Variants in C11orf52 observed in about 807,000 individuals in gnomAD.
C11orf52 encodes uncharacterized protein C11orf52.
Under a neutral mutation model 11.7 loss-of-function variants are expected in C11orf52, and 9 were observed. That is an observed-to-expected ratio of 0.77 (90% CI 0.46 to 1.34). The LOEUF (loss-of-function observed/expected upper bound fraction) is 1.34, where lower values mean the gene tolerates loss of function less well. Among genes scored for constraint, C11orf52 ranks in the 40% most tolerant of loss-of-function variants. The pLI, the probability that C11orf52 is intolerant of heterozygous loss-of-function variation, is 0.00. For synonymous variants in C11orf52, 49 were observed against 57.4 expected (o/e 0.85, Z 0.66); for missense variants, 139 against 154.8 (o/e 0.90, Z 0.54).
rs782286015 is a variant in C11orf52, at chr11:111,925,619, G to A, written c.71-34G>A. The stretch of plus-strand genomic sequence containing the variant: ...GCAATCTCAGTAGAGACAGGGAAGA[G>A]AGAATAAACTTAAGTTGGATTTCTT... On this transcript the variant is annotated intron_variant, in intron 2 of 3. Coordinates refer to ENST00000278601, the MANE Select transcript of C11orf52 (RefSeq NM_080659.3). 5.0e-6 allele frequency: 8 copies of A among 1,606,376 alleles called. No individual in the cohort carries two copies. The Admixed American group carries it at 1.2e-4, about 23-fold the overall frequency.
intron 2 of C11orf52, 110 bp from the exon 3 acceptor site, chr11:111,925,543 G>A: frequency 9.4e-7 from 1 of 1,069,256 alleles, no homozygotes; most frequent in Non-Finnish European, 1.4e-6. Flanking sequence ...ATGGAGGCAG[G>A]GGGATTAGAC....
chr11:111,926,201 C>T lies in C11orf52; in HGVS notation c.*2C>T. The stretch of plus-strand genomic sequence containing the variant: ...AGCAAGAACGGGACCCTGGTGTGAG[C>T]GCTTGGGAGGAAGGCCCAGTCCATC... On this transcript the variant is annotated 3_prime_UTR_variant, in exon 4 of 4. Transcript: ENST00000278601. The T allele has an allele frequency of 6.2e-6, 10 of 1,613,132 alleles. No individual in the cohort carries two copies. The highest frequency in any genetic ancestry group is 2.2e-5 in the East Asian group (1 of 44,880).
At chr11:111,922,405 A>T (rs1175449894) in intron 1 of C11orf52, among the ~76,000 whole-genome samples, 1 of 152,180 alleles carries the variant, frequency 6.6e-6, no homozygotes, top group Non-Finnish European at 1.5e-5. Context: ...AATATTCTTT[A>T]TTGTTATTGT....
chr11:111,921,722 G>A (rs1555166583), intron 1 of C11orf52, among the ~76,000 whole-genome samples: 4 of 152,024 alleles, frequency 2.6e-5, no homozygotes, highest in African/African-American at 9.7e-5. Flanking sequence ...AGTCATTAGT[G>A]GTCAACTTTT....
intron 1 of C11orf52, among the ~76,000 whole-genome samples, chr11:111,920,573 G>C (rs1965677785): frequency 6.6e-6 from 1 of 151,858 alleles, no homozygotes; most frequent in African/African-American, 2.4e-5. Context: ...AGACCAGCCT[G>C]GGCAACATAG....
rs1441502041 is a variant in C11orf52, at chr11:111,922,775, G to A, written c.33-1551G>A. 2.0e-5 allele frequency among the ~76,000 whole-genome samples: 3 copies of A among 152,244 alleles called. No homozygotes were observed. In the East Asian group the frequency reaches 5.8e-4, roughly 29 times the overall value. On this transcript the variant is annotated intron_variant, in intron 1 of 3. Transcript: ENST00000278601. ...ATAATGAATATCCATATTTGTACATGTATAATTATTTCTTAGGATATGGAA... is the reference window on the plus strand; with the variant it reads ...ATAATGAATATCCATATTTGTACATATATAATTATTTCTTAGGATATGGAA...
chr11:111,926,307 G>C lies in C11orf52; in HGVS notation c.*108G>C. ...CCCAGGGATGTTGTCCACGTTTTAA[G>C]CTTAAAGAACTCCAAAGCCCCTGGA... On this transcript the variant is annotated 3_prime_UTR_variant, in exon 4 of 4. Coordinates refer to ENST00000278601, the MANE Select transcript of C11orf52 (RefSeq NM_080659.3). The C allele has an allele frequency of 6.6e-7, 1 of 1,507,312 alleles. No homozygotes were observed. Among genetic ancestry groups the C allele is most frequent in the Non-Finnish European group, 8.9e-7 (1 of 1,119,776 alleles). The allele number at this position is 1,507,312 out of a possible 1,614,324, so 93.4% of individuals were successfully genotyped here.
intron 1 of C11orf52, among the ~76,000 whole-genome samples, chr11:111,923,111 G>A (rs1555166673): frequency 6.6e-6 from 1 of 152,148 alleles, no homozygotes; most frequent in African/African-American, 2.4e-5. Context: ...AAAATAAGTA[G>A]GTAAAGAGTA....
chr11:111,924,511 CA>C (rs1965754742), intron 2 of C11orf52, 148 bp downstream of exon 2: 1 of 668,722 alleles, frequency 1.5e-6, no homozygotes, highest in Admixed American at 2.8e-5. Context: ...TTGCTGCATT[CA>C]AGACTAGTTC....
intron 1 of C11orf52, among the ~76,000 whole-genome samples, chr11:111,921,625 G>A (rs1288673984): frequency 6.6e-6 from 1 of 152,192 alleles, no homozygotes; most frequent in Non-Finnish European, 1.5e-5. Context: ...AGCTTCTAGA[G>A]AAGGAGATGT....
In C11orf52 at chr11:111,925,660, A is replaced by G; in HGVS notation, c.78A>G (p.Gln26=). Residue 26 remains glutamine, a synonymous_variant, in exon 3 of 4, where the codon CAA becomes CAG. Coordinates refer to ENST00000278601, the MANE Select transcript of C11orf52 (RefSeq NM_080659.3). ...TFQKKKKTGS[Q]TRRTLKPQPQ... is the part of the protein sequence containing the mutation. Reference sequence around the variant, plus strand: ...TGGATTTCTTCCCCTCAGGAAGCCAAACAAGACGGACACTGAAGCCGCAGC... The same window carrying G: ...TGGATTTCTTCCCCTCAGGAAGCCAGACAAGACGGACACTGAAGCCGCAGC... 1 of 1,614,248 alleles carries G rather than the reference A, an allele frequency of 6.2e-7. No individual in the cohort carries two copies. Among genetic ancestry groups the G allele is most frequent in the Non-Finnish European group, 8.5e-7 (1 of 1,180,040 alleles).
At chr11:111,925,080 C>T (rs1566429010) in intron 2 of C11orf52, among the ~76,000 whole-genome samples, 2 of 151,976 alleles carry the variant, frequency 1.3e-5, no homozygotes, top group Non-Finnish European at 2.9e-5. Context: ...GTCGAGATCG[C>T]GCCACTGCAC....
chr11:111,924,065 G>T (rs1436857565), intron 1 of C11orf52, among the ~76,000 whole-genome samples: 5 of 152,236 alleles, frequency 3.3e-5, no homozygotes, highest in Admixed American at 3.3e-4. Flanking sequence ...TCCCTGGCAT[G>T]TAGTGCCTGG....
rs1555166979 is a variant in C11orf52, at chr11:111,926,195, T to C, written c.368T>C (p.Val123Ala). The stretch of plus-strand genomic sequence containing the variant: ...TATGACAGCAAGAACGGGACCCTGG[T>C]GTGAGCGCTTGGGAGGAAGGCCCAG... ...PRYDSKNGTL[V>A] Residue 123 changes from valine to alanine, a missense_variant, in exon 4 of 4, where the codon GTG becomes GCG. Physicochemically the swap from Val to Ala is moderately conservative, Grantham distance 64. Transcript: ENST00000278601. The C allele has an allele frequency of 1.2e-6, 2 of 1,613,628 alleles. No homozygotes were observed. The highest frequency in any genetic ancestry group is 3.3e-5 in the Admixed American group (2 of 60,028).
chr11:111,925,769 A>G (rs1965790237), intron 3 of C11orf52, 55 bp downstream of exon 3: 19 of 1,601,314 alleles, frequency 1.2e-5, no homozygotes, highest in Non-Finnish European at 1.5e-5. Flanking sequence ...GGATCCCAGT[A>G]GTCAGCTCTT....
intron 1 of C11orf52, among the ~76,000 whole-genome samples, chr11:111,922,463 T>C (rs1224510922): frequency 2.6e-5 from 4 of 152,216 alleles, no homozygotes; most frequent in Non-Finnish European, 5.9e-5. Context: ...ATTTAACTTC[T>C]GCAACGAGCA....
Position 111,926,136 on chromosome 11 carries a change from T to G in C11orf52, c.309T>G (p.Tyr103Ter), listed in dbSNP as rs1965802513. Residue 103 changes from tyrosine (Y) to a stop codon, truncating the protein, a stop_gained, in exon 4 of 4, where the codon TAT (tyrosine) becomes TAG (stop). Transcript: ENST00000278601. LOFTEE classifies it high-confidence loss of function. ...TGCATTTAGAAAACGCTACAGAGTA[T>G]GCGACCCTTCGCTTCCCCCAGGCCA... is the stretch of plus-strand genomic sequence containing the variant. ...KHVHLENATE[Y>*]ATLRFPQATP... 3 of 1,614,228 alleles carry G rather than the reference T, an allele frequency of 1.9e-6. No individual in the cohort carries two copies. Among genetic ancestry groups the G allele is most frequent in the Non-Finnish European group, 2.5e-6 (3 of 1,180,036 alleles).
chr11:111,923,169 G>A lies in C11orf52; in HGVS notation c.33-1157G>A, dbSNP rs373578140. Among the ~76,000 whole-genome samples the A allele has an allele frequency of 1.5e-4, 23 of 152,338 alleles. No individual in the cohort carries two copies. The South Asian group carries it at 4.8e-3, about 32-fold the overall frequency. ...AAGATTATCTCGTTCTTAGGATAAG[G>A]CTGACTGAGCAGCAGTAACATAAAG... is the stretch of plus-strand genomic sequence containing the variant. On this transcript the variant is annotated intron_variant, in intron 1 of 3. Transcript: ENST00000278601.
Position 111,926,399 on chromosome 11 carries a change from G to A in C11orf52, c.*200G>A. On this transcript the variant is annotated 3_prime_UTR_variant, in exon 4 of 4. Transcript: ENST00000278601. The stretch of plus-strand genomic sequence containing the variant: ...ACTGTTAGGTTGGAGTTAATAGTTG[G>A]TTTAGCTATGGGTGGATAGCTAAAC... 1 of 756,702 alleles carries A rather than the reference G, an allele frequency of 1.3e-6. No homozygotes were observed. 46.9% of individuals were successfully genotyped at this position (756,702 alleles called of 1,614,324 possible). A position where few individuals can be genotyped will look rare whatever the true frequency, so the allele number is the denominator to read the frequency against.
Sources: gnomAD v4.1 joint callset for allele counts (sites outside exome capture counted in the v4.1 genomes callset) on GRCh38, gnomAD v4.1.1 for gene constraint, MANE v1.5 for transcripts, NCBI Gene and HGNC (gene_info 2026-07-23, HGNC 2026-07-21) for gene names.